Variants in KDM5A observed in about 807,000 individuals in gnomAD.
KDM5A encodes the protein lysine-specific demethylase 5A.
KDM5A carries 42 observed loss-of-function variants against 193.5 expected under a neutral mutation model. The observed-to-expected ratio is 0.22, with a 90% CI of 0.17 to 0.28. The LOEUF (loss-of-function observed/expected upper bound fraction) is 0.28, where lower values mean the gene tolerates loss of function less well. Ranked by LOEUF, KDM5A falls within the 10% of genes least tolerant of loss-of-function variation. The pLI, the probability that KDM5A is intolerant of heterozygous loss-of-function variation, is 1.00. For synonymous variants in KDM5A, 796 were observed against 718.1 expected (o/e 1.11, Z -1.73); for missense variants, 1,692 against 2,055.1 (o/e 0.82, Z 3.42).
rs539085918 is a variant in KDM5A, at chr12:347,998, T to G, written c.1308+2623A>C. 4.8e-3 allele frequency among the ~76,000 whole-genome samples: 728 copies of G among 152,178 alleles called. 1 individual carries two copies. Among genetic ancestry groups the G allele is most frequent in the Non-Finnish European group, 7.5e-3 (512 of 68,016 alleles). On this transcript the variant is annotated intron_variant, in intron 10 of 27. Coordinates refer to ENST00000399788, the MANE Select transcript of KDM5A (RefSeq NM_001042603.3). ...AGCAACCTACAGAAGGGGAGAAAAT[T>G]TTTGCAATCTATCCATCTGACAAAG... is the stretch of plus-strand genomic sequence containing the variant.
rs2137388053 is a variant in KDM5A at position 307,601 on chromosome 12, C to T, written c.3783G>A (p.Arg1261=). 6.2e-7 allele frequency: 1 copy of T among 1,614,124 alleles called. No individual in the cohort carries two copies. The highest frequency in any genetic ancestry group is 8.5e-7 in the Non-Finnish European group (1 of 1,180,012). Residue 1261 remains arginine, a synonymous_variant, in exon 23 of 28, where the codon CGG becomes CGA. Coordinates refer to ENST00000399788, the MANE Select transcript of KDM5A (RefSeq NM_001042603.3). This position sits in a 1 kb window ranked among gnomAD's most constrained non-coding sequence, Gnocchi z 4.3. ...ATAGTTCATCTGTGGCTAGAGCCTG[C>T]CGCGCTCTATCTTGCCAACTCATAG... is the stretch of plus-strand genomic sequence containing the variant. The part of the protein sequence containing the change: ...ERAMSWQDRA[R]QALATDELSS...
At chr12:290,377 T>C (rs907056781) in intron 27 of KDM5A, among the ~76,000 whole-genome samples, 2 of 152,186 alleles carry the variant, frequency 1.3e-5, no homozygotes, top group African/African-American at 4.8e-5. Flanking sequence ...AATAAAACAC[T>C]ATTTTATATA....
chr12:318,390 A>C lies in KDM5A; in HGVS notation c.2613T>G (p.Ser871=). ...TATCTATCAACATCTGGAGTTTGGAAGAATCTGGGGTTTCATCCATCATGG... is the reference window on the plus strand; with the variant it reads ...TATCTATCAACATCTGGAGTTTGGACGAATCTGGGGTTTCATCCATCATGG... The part of the protein sequence containing the change: ...QEAMMDETPD[S]SKLQMLIDMG... The change falls in exon 19 of 28, where the codon TCT becomes TCG. Residue 871 remains serine, a synonymous_variant. Transcript: ENST00000399788. 6.2e-7 allele frequency: 1 copy of C among 1,614,192 alleles called. No homozygotes were observed. Among genetic ancestry groups the C allele is most frequent in the East Asian group, 2.2e-5 (1 of 44,892 alleles).
chr12:359,332 T>C (rs953539768), intron 5 of KDM5A, among the ~76,000 whole-genome samples: 13 of 152,154 alleles, frequency 8.5e-5, no homozygotes, highest in African/African-American at 3.1e-4. Flanking sequence ...CCATTTCAAA[T>C]ACATAAATGA....
rs142922427 is a variant in KDM5A, at chr12:376,109, T to C, written c.366+7922A>G. ...AGAACCACTGCTCTCTTCAAGGCTG[T>C]CAGACAGGGACATTTAAGTCTGCAG... On this transcript the variant is annotated intron_variant, in intron 3 of 27. Transcript: ENST00000399788. 2.3e-4 allele frequency among the ~76,000 whole-genome samples: 35 copies of C among 152,356 alleles called. 1 individual carries two copies. In the East Asian group the frequency reaches 6.4e-3, roughly 28 times the overall value.
intron 24 of KDM5A, 170 bp downstream of exon 24, chr12:306,776 G>A (rs1178171069): frequency 5.5e-6 from 4 of 724,374 alleles, no homozygotes; most frequent in African/African-American, 5.4e-5. Context: ...TCAGCAACCT[G>A]TAATGTTTTG....
chr12:314,516 T>C (rs1345444083), intron 19 of KDM5A, among the ~76,000 whole-genome samples: 1 of 151,304 alleles, frequency 6.6e-6, no homozygotes, highest in Non-Finnish European at 1.5e-5. Flanking sequence ...TTTAATCTTA[T>C]GAAGATTATT....
chr12:285,168 C>T lies in KDM5A; in HGVS notation c.*288G>A, dbSNP rs1943204285. On this transcript the variant is annotated 3_prime_UTR_variant, in exon 28 of 28. Coordinates refer to ENST00000399788, the MANE Select transcript of KDM5A (RefSeq NM_001042603.3). ...CACCAATGTATTAATACTAACCAGCCACCCTAGAGCTCAATTAAGCATCTG... is the reference window on the plus strand; with the variant it reads ...CACCAATGTATTAATACTAACCAGCTACCCTAGAGCTCAATTAAGCATCTG... The T allele has an allele frequency of 2.0e-6, 1 of 498,084 alleles. No homozygotes were observed. The allele number at this position is 498,084 out of a possible 1,614,324, so 30.9% of individuals were successfully genotyped here.
rs143321988 is a variant in KDM5A, at chr12:297,517, C to G, written c.4075-317G>C. On this transcript the variant is annotated intron_variant, in intron 24 of 27. Coordinates refer to ENST00000399788, the MANE Select transcript of KDM5A (RefSeq NM_001042603.3). ...ACAAGGGCTGAAATGTGAAAACAAACCCATTAAGATTTTCACCCGGGTTTT... is the reference window on the plus strand; with the variant it reads ...ACAAGGGCTGAAATGTGAAAACAAAGCCATTAAGATTTTCACCCGGGTTTT... 2.7e-3 allele frequency among the ~76,000 whole-genome samples: 415 copies of G among 152,216 alleles called. 2 individuals are homozygous for G. Among genetic ancestry groups the G allele is most frequent in the African/African-American group, 9.6e-3 (398 of 41,538 alleles).
intron 24 of KDM5A, among the ~76,000 whole-genome samples, chr12:301,096 G>A (rs1943435454): frequency 6.6e-6 from 1 of 152,082 alleles, no homozygotes; most frequent in African/African-American, 2.4e-5. Context: ...TTCTACCAGA[G>A]GTACAAAGAG....
In KDM5A at chr12:334,434, G is replaced by A. The variant is rs755211343; in HGVS notation, c.1309-12C>T. ...GAAAGTGCATATTCCTATAAGAGAAGAAAAAACTGTAAATGAAAGATCAGA... is the reference window on the plus strand; with the variant it reads ...GAAAGTGCATATTCCTATAAGAGAAAAAAAAACTGTAAATGAAAGATCAGA... On this transcript the variant is annotated splice_polypyrimidine_tract_variant and intron_variant, in intron 10 of 27. Coordinates refer to ENST00000399788, the MANE Select transcript of KDM5A (RefSeq NM_001042603.3). 1 of 1,607,376 alleles carries A rather than the reference G, an allele frequency of 6.2e-7. No individual in the cohort carries two copies. Among genetic ancestry groups the A allele is most frequent in the Non-Finnish European group, 8.5e-7 (1 of 1,174,214 alleles).
At chr12:339,986 C>T (rs1208590669) in intron 10 of KDM5A, among the ~76,000 whole-genome samples, 2 of 151,816 alleles carry the variant, frequency 1.3e-5, no homozygotes, top group Non-Finnish European at 2.9e-5. Flanking sequence ...AGTGATCCTC[C>T]CACCTCAGCC....
chr12:288,106 T>A (rs1336120992), intron 27 of KDM5A, among the ~76,000 whole-genome samples: 1 of 152,194 alleles, frequency 6.6e-6, no homozygotes, highest in African/African-American at 2.4e-5. Flanking sequence ...CAATATCTTT[T>A]TTATCATGTT....
chr12:281,093 C>T lies in KDM5A; in HGVS notation c.*4363G>A, dbSNP rs1205867752. 1 of 232,800 alleles carries T rather than the reference C, an allele frequency of 4.3e-6. No homozygotes were observed. Among genetic ancestry groups the T allele is most frequent in the Non-Finnish European group, 8.5e-6 (1 of 117,882 alleles). The allele number at this position is 232,800 out of a possible 1,614,324, so 14.4% of individuals were successfully genotyped here. A position where few individuals can be genotyped will look rare whatever the true frequency, so the allele number is the denominator to read the frequency against. Reference sequence around the variant, plus strand: ...TAGGGTGGGTATGGGTGTGGGGAACCTGAGCATACACACAATTTTTTAAAT... The same window carrying T: ...TAGGGTGGGTATGGGTGTGGGGAACTTGAGCATACACACAATTTTTTAAAT... On this transcript the variant is annotated 3_prime_UTR_variant, in exon 28 of 28. Transcript: ENST00000399788.
At chr12:360,845 G>A (rs1391135053) in intron 5 of KDM5A, among the ~76,000 whole-genome samples, 2 of 152,164 alleles carry the variant, frequency 1.3e-5, no homozygotes, top group Non-Finnish European at 2.9e-5. Flanking sequence ...GTAGGTGGGA[G>A]AGAAAGATTT....
intron 5 of KDM5A, among the ~76,000 whole-genome samples, chr12:357,944 T>C (rs762782668): frequency 1.6e-4 from 23 of 148,300 alleles, no homozygotes; most frequent in Non-Finnish European, 3.3e-4. Flanking sequence ...ATACTACAAC[T>C]GGGAGGAAAT....
At chr12:290,017 T>C (rs1010992701) in intron 27 of KDM5A, among the ~76,000 whole-genome samples, 3 of 150,500 alleles carry the variant, frequency 2.0e-5, no homozygotes, top group African/African-American at 7.3e-5. Context: ...ACAGGTGCGA[T>C]CATAGCACAT....
intron 10 of KDM5A, among the ~76,000 whole-genome samples, chr12:337,507 A>C (rs1943949616): frequency 1.3e-5 from 2 of 152,204 alleles, no homozygotes; most frequent in African/African-American, 4.8e-5. Flanking sequence ...AAACACAGGA[A>C]ATAACATTAG....
chr12:346,338 A>G (rs951332151), intron 10 of KDM5A, among the ~76,000 whole-genome samples: 1 of 152,182 alleles, frequency 6.6e-6, no homozygotes, highest in Non-Finnish European at 1.5e-5. Context: ...AGAGGTACAA[A>G]GAGGAGCTGG....
Sources: gnomAD v4.1 joint callset for allele counts (sites outside exome capture counted in the v4.1 genomes callset) on GRCh38, gnomAD v4.1.1 for gene constraint, Gnocchi (gnomAD v3.1) non-coding constraint, MANE v1.5 for transcripts, NCBI Gene and HGNC (gene_info 2026-07-23, HGNC 2026-07-21) for gene names.